WBP1L: variants seen among roughly 807,000 people sequenced by gnomAD.
The protein encoded by WBP1L is WW domain binding protein 1 like.
WBP1L carries 17 observed loss-of-function variants against 33.7 expected under a neutral mutation model. That is an observed-to-expected ratio of 0.50 (90% confidence interval 0.34 to 0.76). WBP1L has a LOEUF of 0.76. Ranked by LOEUF, WBP1L falls within the 30% of genes least tolerant of loss-of-function variation. The pLI is 0.01. For missense variants in WBP1L, 389 were observed against 469.4 expected, an observed-to-expected ratio of 0.83 and a Z score of 1.58; for synonymous variants, 173 against 190.8, an observed-to-expected ratio of 0.91 and a Z score of 0.77.
intron 2 of WBP1L, among the ~76,000 whole-genome samples, chr10:102,805,095 AACAAAGTGAGACC>A (rs1251569251): frequency 6.6e-6 from 1 of 152,052 alleles, no homozygotes; most frequent in Non-Finnish European, 1.5e-5. Flanking sequence ...CAGCCTGGGC[AACAAAGTGAGACC>A]ACCCCCCTAT....
At chr10:102,758,297 A>G (rs760613193) in intron 1 of WBP1L, among the ~76,000 whole-genome samples, 207 of 152,302 alleles carry the variant, frequency 1.4e-3, no homozygotes, top group Middle Eastern at 3.4e-3. Context: ...GTGAGCCACC[A>G]TCACCGCTAT....
intron 1 of WBP1L, among the ~76,000 whole-genome samples, chr10:102,774,270 G>A (rs74702335): frequency 0.017 from 2,561 of 152,286 alleles, 54 homozygotes; most frequent in South Asian, 0.11. Context: ...AGCCTTGTCT[G>A]TATGGCAGTT....
At chr10:102,761,108 T>C (rs1843031694) in intron 1 of WBP1L, among the ~76,000 whole-genome samples, 1 of 150,852 alleles carries the variant, frequency 6.6e-6, no homozygotes, top group African/African-American at 2.4e-5. Flanking sequence ...GGTTTCACCA[T>C]GTTGGCCAGG....
At chr10:102,799,322 T>C (rs1489045316) in intron 2 of WBP1L, among the ~76,000 whole-genome samples, 1 of 150,412 alleles carries the variant, frequency 6.6e-6, no homozygotes, top group African/African-American at 2.4e-5. Context: ...CGAGGCTCCA[T>C]CTAAAAAAAA....
intron 1 of WBP1L, among the ~76,000 whole-genome samples, chr10:102,747,994 C>T (rs1021020445): frequency 2.0e-5 from 3 of 152,016 alleles, no homozygotes; most frequent in African/African-American, 4.8e-5. Flanking sequence ...CGGTGGCTCA[C>T]ACCTGTAATC....
intron 1 of WBP1L, among the ~76,000 whole-genome samples, chr10:102,764,465 C>T (rs1313009970): frequency 6.6e-6 from 1 of 152,154 alleles, no homozygotes; most frequent in Non-Finnish European, 1.5e-5. Flanking sequence ...GGTTTACTTG[C>T]TGCTGTCATC....
chr10:102,770,707 A>G (rs1459409669), intron 1 of WBP1L, among the ~76,000 whole-genome samples: 1 of 152,206 alleles, frequency 6.6e-6, no homozygotes, highest in East Asian at 1.9e-4. Context: ...GAAGGACCCT[A>G]GGACCCTGAC....
At chr10:102,746,473 C>T (rs899916420) in intron 1 of WBP1L, among the ~76,000 whole-genome samples, 4 of 152,148 alleles carry the variant, frequency 2.6e-5, no homozygotes, top group African/African-American at 7.2e-5. Flanking sequence ...ATACTCCTGT[C>T]TCTTTCTGTC....
chr10:102,766,843 A>T (rs74620327), intron 1 of WBP1L, among the ~76,000 whole-genome samples: 1 of 137,660 alleles, frequency 7.3e-6, no homozygotes, highest in East Asian at 2.2e-4. Context: ...AAAAAAAAAA[A>T]AGCAAAAAAC....
chr10:102,752,490 G>A (rs1467504539), intron 1 of WBP1L, among the ~76,000 whole-genome samples: 3 of 152,070 alleles, frequency 2.0e-5, no homozygotes, highest in African/African-American at 4.8e-5. Flanking sequence ...TTGAAAACAC[G>A]TTTTTTTGAT....
rs1458907168 is a variant in WBP1L, at chr10:102,788,355, CTGTT to C, written c.91-9636_91-9633del. 2.6e-5 allele frequency among the ~76,000 whole-genome samples: 4 copies of C among 152,026 alleles called. No homozygotes were observed. In the East Asian group the frequency reaches 7.8e-4, roughly 30 times the overall value. Reference sequence around the variant, plus strand: ...TTGATCTCCTGATCTCATGATCCGCCTGTTTCGGCCTCCCAAAGTGCTGGGATTA... The same window carrying C: ...TTGATCTCCTGATCTCATGATCCGCCTCGGCCTCCCAAAGTGCTGGGATTA... On this transcript the variant is annotated intron_variant, in intron 1 of 3. Transcript: ENST00000448841.
At chr10:102,801,855 C>T (rs2134061629) in intron 2 of WBP1L, among the ~76,000 whole-genome samples, 1 of 150,418 alleles carries the variant, frequency 6.6e-6, no homozygotes, top group East Asian at 2.0e-4. Flanking sequence ...TTCTCTCTCT[C>T]TTTCCTTTCC....
chr10:102,779,623 TG>T (rs1028622385), intron 1 of WBP1L, among the ~76,000 whole-genome samples: 5 of 152,184 alleles, frequency 3.3e-5, no homozygotes, highest in Non-Finnish European at 7.3e-5. Flanking sequence ...AGATTCTTTA[TG>T]TCTGGGCCAG....
At chr10:102,797,855 T>C in intron 1 of WBP1L, 138 bp from the exon 2 acceptor site, 1 of 806,800 alleles carries the variant, frequency 1.2e-6, no homozygotes, top group Non-Finnish European at 1.9e-6. Flanking sequence ...CTGGCCAAAG[T>C]TGATTTTCTT....
intron 1 of WBP1L, among the ~76,000 whole-genome samples, chr10:102,795,602 C>T (rs1053366692): frequency 6.6e-6 from 1 of 152,210 alleles, no homozygotes; most frequent in Non-Finnish European, 1.5e-5. Context: ...TCACTTAAGA[C>T]CAGTTGACAG....
chr10:102,780,462 C>T (rs145949413), intron 1 of WBP1L, among the ~76,000 whole-genome samples: 2 of 152,308 alleles, frequency 1.3e-5, no homozygotes, highest in Non-Finnish European at 2.9e-5. Flanking sequence ...TGTTCTTAGT[C>T]ATGATTTGAA....
intron 1 of WBP1L, among the ~76,000 whole-genome samples, chr10:102,777,715 C>A (rs1843285534): frequency 6.6e-6 from 1 of 152,014 alleles, no homozygotes; most frequent in South Asian, 2.1e-4. Flanking sequence ...CAGGCATGTG[C>A]CACTATACCC....
chr10:102,744,832 G>A (rs1371195045), intron 1 of WBP1L, among the ~76,000 whole-genome samples: 1 of 152,166 alleles, frequency 6.6e-6, no homozygotes, highest in Non-Finnish European at 1.5e-5. Flanking sequence ...GCCAGCTCAG[G>A]GCTTTTGACC....
chr10:102,791,022 C>T (rs1245831108), intron 1 of WBP1L, among the ~76,000 whole-genome samples: 2 of 152,168 alleles, frequency 1.3e-5, no homozygotes. Flanking sequence ...TACTGTTTTC[C>T]TCCCACTTCA....
Sources: allele counts gnomAD v4.1 joint callset (sites outside exome capture counted in the v4.1 genomes callset), GRCh38; gene constraint gnomAD v4.1.1; transcripts MANE v1.5; gene names NCBI Gene and HGNC (gene_info 2026-07-23, HGNC 2026-07-21).